KIF15: variants seen among roughly 807,000 people sequenced by gnomAD.
The protein encoded by KIF15 is kinesin-like protein KIF15.
A neutral mutation model predicts 190.6 loss-of-function variants in KIF15; 140 were observed. The observed-to-expected ratio is 0.73, with a 90% CI of 0.64 to 0.84. The LOEUF is 0.84. Among genes scored for constraint, KIF15 ranks in the 40% least tolerant of loss-of-function variants. The pLI is 0.00. For missense variants in KIF15, 1,372 were observed against 1,584.4 expected (o/e 0.87, Z 2.28); for synonymous variants, 528 against 551.3 (o/e 0.96, Z 0.59).
chr3:44,794,525 A>G, intron 8 of KIF15, 99 bp downstream of exon 8: 1 of 853,812 alleles, frequency 1.2e-6, no homozygotes, highest in Non-Finnish European at 1.8e-6. Flanking sequence ...GAGGAACTGC[A>G]TTTATGATGG....
rs745325946 is a variant in KIF15 at position 44,761,892 on chromosome 3, T to C, written c.19+8T>C. 17 of 1,614,052 alleles carry C rather than the reference T, an allele frequency of 1.1e-5. No individual in the cohort carries two copies. The highest frequency in any genetic ancestry group is 1.4e-5 in the Non-Finnish European group (17 of 1,180,030). ...TGGCACCCGGCTGCAAAAGTAAGTC[T>C]GGGCCCCCGGCTTCGTTACCCTATT... is the stretch of plus-strand genomic sequence containing the variant. On this transcript the variant is annotated splice_region_variant and intron_variant, in intron 1 of 34. Coordinates refer to ENST00000326047, the MANE Select transcript of KIF15 (RefSeq NM_020242.3).
At chr3:44,797,396 C>T (rs1001414998) in intron 8 of KIF15, among the ~76,000 whole-genome samples, 155 bp from the exon 9 acceptor site, 1 of 152,192 alleles carries the variant, frequency 6.6e-6, no homozygotes, top group Admixed American at 6.5e-5. Context: ...TAGTTCAGCA[C>T]TTCTTTTTTA....
At chr3:44,795,733 C>T (rs1022519059) in intron 8 of KIF15, among the ~76,000 whole-genome samples, 1 of 151,578 alleles carries the variant, frequency 6.6e-6, no homozygotes, top group African/African-American at 2.4e-5. Flanking sequence ...TTTGTAGAGT[C>T]TATAGTTTAG....
At chr3:44,793,054 C>T (rs1213296190) in intron 7 of KIF15, among the ~76,000 whole-genome samples, 1 of 152,150 alleles carries the variant, frequency 6.6e-6, no homozygotes, top group Non-Finnish European at 1.5e-5. Context: ...AAATCTCAGG[C>T]CCCACCTCAC....
At chr3:44,830,845 C>T (rs985040396) in intron 25 of KIF15, 51 bp from the exon 26 acceptor site, 1 of 1,572,784 alleles carries the variant, frequency 6.4e-7, no homozygotes. Context: ...TTATTTTAAT[C>T]TAGAAACAGG....
chr3:44,847,019 G>C (rs979821931), intron 30 of KIF15, among the ~76,000 whole-genome samples: 1 of 152,128 alleles, frequency 6.6e-6, no homozygotes, highest in Non-Finnish European at 1.5e-5. Flanking sequence ...GGCAGAGACC[G>C]CATGGCTCCC....
intron 6 of KIF15, among the ~76,000 whole-genome samples, chr3:44,861,224 C>G (rs771299649): frequency 1.1e-3 from 173 of 152,216 alleles, no homozygotes; most frequent in Admixed American, 2.0e-3. Flanking sequence ...CTCCCGACCT[C>G]AGGTGATCCA....
rs947138632 is a variant in KIF15, at chr3:44,840,451, C to T, written c.3415C>T (p.Pro1139Ser). ...EHVMDSAAED[P>S]QSPKTPPHFQ... Reference sequence around the variant, plus strand: ...TGTGATGGATTCTGCTGCTGAGGATCCCCAGGTACTTTTCAGAAAAAGATT... The same window carrying T: ...TGTGATGGATTCTGCTGCTGAGGATTCCCAGGTACTTTTCAGAAAAAGATT... The change falls in exon 28 of 35, where the codon CCC becomes TCC. Residue 1139 changes from proline (P) to serine (S), a missense_variant. Physicochemically the swap from Pro to Ser is moderately conservative, Grantham distance 74 (BLOSUM62 -1). Coordinates refer to ENST00000326047, the MANE Select transcript of KIF15 (RefSeq NM_020242.3). The T allele has an allele frequency of 6.3e-6, 10 of 1,585,616 alleles. No homozygotes were observed. The highest frequency in any genetic ancestry group is 8.6e-6 in the Non-Finnish European group (10 of 1,164,522).
chr3:44,818,792 TG>T (rs1708138804), intron 20 of KIF15, among the ~76,000 whole-genome samples: 1 of 152,212 alleles, frequency 6.6e-6, no homozygotes, highest in Non-Finnish European at 1.5e-5. Flanking sequence ...CTTTTTCTAT[TG>T]ATTGGAATAG....
intron 4 of KIF15, among the ~76,000 whole-genome samples, chr3:44,780,094 G>A (rs6786371): frequency 0.55 from 65,089 of 118,768 alleles, 15,871 homozygotes; most frequent in East Asian, 0.84. Flanking sequence ...TTTTTTAAAA[G>A]AGATGGAGTC....
intron 30 of KIF15, among the ~76,000 whole-genome samples, chr3:44,847,606 C>T (rs1242236839): frequency 6.6e-6 from 1 of 152,202 alleles, no homozygotes; most frequent in Admixed American, 6.5e-5. Context: ...TGCCCCCTCC[C>T]AGCTGATCAC....
At chr3:44,821,202 G>T (rs1233638095) in intron 20 of KIF15, among the ~76,000 whole-genome samples, 2 of 149,134 alleles carry the variant, frequency 1.3e-5, no homozygotes, top group East Asian at 4.0e-4. Context: ...AGTAGGGGCG[G>T]CTGGGCAGAG....
At chr3:44,768,819 C>G (rs556355710) in intron 1 of KIF15, among the ~76,000 whole-genome samples, 1 of 152,220 alleles carries the variant, frequency 6.6e-6, no homozygotes, top group Admixed American at 6.5e-5. Context: ...ATCTGAGGCT[C>G]CAGTTGCACG....
intron 24 of KIF15, among the ~76,000 whole-genome samples, chr3:44,829,758 GTATA>G (rs1448965492): frequency 7.3e-6 from 1 of 136,740 alleles, no homozygotes; most frequent in Non-Finnish European, 1.5e-5. Flanking sequence ...TATTATAGAT[GTATA>G]TATATTATAG....
chr3:44,829,927 C>T, intron 24 of KIF15, 44 bp from the exon 25 acceptor site: 1 of 1,197,094 alleles, frequency 8.4e-7, no homozygotes, highest in Non-Finnish European at 1.1e-6. Flanking sequence ...TTTTCTTCTC[C>T]TTAATGTCAT....
At chr3:44,845,285 A>G (rs1318687433) in intron 30 of KIF15, among the ~76,000 whole-genome samples, 1 of 152,192 alleles carries the variant, frequency 6.6e-6, no homozygotes, top group African/African-American at 2.4e-5. Flanking sequence ...GGTGGGAGTA[A>G]CAACTTTGGT....
downstream of KIF15, among the ~76,000 whole-genome samples, chr3:44,856,075 C>T (rs758948044): frequency 1.3e-5 from 2 of 151,618 alleles, no homozygotes; most frequent in African/African-American, 4.8e-5. Context: ...TAATAAAGGC[C>T]GGTCCGTTAT....
chr3:44,792,771 C>T (rs541223568), intron 7 of KIF15, among the ~76,000 whole-genome samples: 1 of 152,206 alleles, frequency 6.6e-6, no homozygotes, highest in South Asian at 2.1e-4. Context: ...TGGTCTCGGT[C>T]TCCTGACCTC....
chr3:44,831,517 G>A (rs1270239339), intron 26 of KIF15, among the ~76,000 whole-genome samples: 2 of 152,198 alleles, frequency 1.3e-5, no homozygotes, highest in Non-Finnish European at 2.9e-5. Context: ...GATAGTAGCA[G>A]ATAGCAGAAA....
Sources: gnomAD v4.1 joint callset for allele counts (sites outside exome capture counted in the v4.1 genomes callset) on GRCh38, gnomAD v4.1.1 for gene constraint, MANE v1.5 for transcripts, NCBI Gene and HGNC (gene_info 2026-07-23, HGNC 2026-07-21) for gene names.